Variants in LHFPL3 observed in about 807,000 individuals in gnomAD.
LHFPL3 encodes LHFPL tetraspan subfamily member 3, also known as LHFPL tetraspan subfamily member 3 protein.
Under a neutral mutation model 19.3 loss-of-function variants are expected in LHFPL3, and 5 were observed. That is an observed-to-expected ratio of 0.26 (90% confidence interval 0.14 to 0.54). The LOEUF is 0.54. Among genes scored for constraint, LHFPL3 ranks in the 20% least tolerant of loss-of-function variants. The pLI is 0.94. For missense variants in LHFPL3, 249 were observed against 307.4 expected (o/e 0.81, Z 1.42); for synonymous variants, 133 against 126.2 (o/e 1.05, Z -0.36).
intron 1 of LHFPL3, among the ~76,000 whole-genome samples, chr7:104,378,000 C>A (rs757564227): frequency 6.6e-6 from 1 of 152,014 alleles, no homozygotes; most frequent in Non-Finnish European, 1.5e-5. Flanking sequence ...TCTACCTATT[C>A]TTTTTTAAAA....
In LHFPL3 at chr7:104,828,635, T is replaced by C. The variant is rs111345369; in HGVS notation, c.683-77552T>C. Among the ~76,000 whole-genome samples the C allele has an allele frequency of 1.3e-3, 193 of 152,112 alleles. 3 individuals are homozygous for C. The highest frequency in any genetic ancestry group is 4.4e-3 in the African/African-American group (180 of 41,374). On this transcript the variant is annotated intron_variant, in intron 2 of 2. Transcript: ENST00000424859. ...TAGGAAAGCACCGCCAGGCCTCTTA[T>C]TCTTCAACCTCAGGAGTGGGGTGAA...
chr7:104,632,028 G>T (rs933653192), intron 1 of LHFPL3, among the ~76,000 whole-genome samples: 9 of 152,166 alleles, frequency 5.9e-5, no homozygotes, highest in Non-Finnish European at 7.4e-5. Context: ...TTTGGATAGG[G>T]ATGGGACAGA....
At chr7:104,490,670 C>T (rs73179959) in intron 1 of LHFPL3, among the ~76,000 whole-genome samples, 16,596 of 152,090 alleles carry the variant, frequency 0.11, 955 homozygotes, top group Non-Finnish European at 0.12. Context: ...AACTAAACCC[C>T]CATATGTTTA....
intron 2 of LHFPL3, among the ~76,000 whole-genome samples, chr7:104,752,380 A>G (rs1794191065): frequency 6.6e-6 from 1 of 150,736 alleles, no homozygotes; most frequent in Non-Finnish European, 1.5e-5. Context: ...CTGAAACGCT[A>G]TCTTCTTCTG....
chr7:104,774,977 G>T (rs1199239961), intron 2 of LHFPL3, among the ~76,000 whole-genome samples: 1 of 152,194 alleles, frequency 6.6e-6, no homozygotes, highest in Non-Finnish European at 1.5e-5. Flanking sequence ...ACAGCAAATC[G>T]CTGGCTTTTG....
intron 1 of LHFPL3, among the ~76,000 whole-genome samples, chr7:104,586,118 G>A (rs190183114): frequency 6.6e-6 from 1 of 152,132 alleles, no homozygotes; most frequent in East Asian, 1.9e-4. Context: ...ATAAATTGTG[G>A]GGAAAGTGAA....
chr7:104,682,643 C>A (rs1792727639), intron 1 of LHFPL3, among the ~76,000 whole-genome samples: 1 of 152,154 alleles, frequency 6.6e-6, no homozygotes, highest in Non-Finnish European at 1.5e-5. Context: ...TGGGACTGTG[C>A]CAGCTGGAAA....
intron 1 of LHFPL3, among the ~76,000 whole-genome samples, chr7:104,592,895 C>T (rs1253884056): frequency 1.3e-5 from 2 of 152,170 alleles, no homozygotes; most frequent in East Asian, 1.9e-4. Flanking sequence ...GCTTAGGACC[C>T]TCTGAGCCAG....
In LHFPL3 at chr7:104,560,744, T is replaced by A. The variant is rs565964831; in HGVS notation, c.446-175931T>A. 1.9e-4 allele frequency among the ~76,000 whole-genome samples: 28 copies of A among 146,432 alleles called. No homozygotes were observed. In the South Asian group the frequency reaches 4.6e-3, roughly 24 times the overall value. ...GCTAGCTTTTGAATGTGTTTGCTCT[T>A]GCTTTTCTAGTTCTTTTAATTGTGA... is the stretch of plus-strand genomic sequence containing the variant. On this transcript the variant is annotated intron_variant, in intron 1 of 2. Coordinates refer to ENST00000424859, the MANE Select transcript of LHFPL3 (RefSeq NM_199000.3).
At chr7:104,649,293 A>G (rs1791985490) in intron 1 of LHFPL3, among the ~76,000 whole-genome samples, 1 of 152,216 alleles carries the variant, frequency 6.6e-6, no homozygotes, top group Non-Finnish European at 1.5e-5. Context: ...ACAAAATAAA[A>G]CAGACCTGTC....
chr7:104,801,965 C>T (rs572940418), intron 2 of LHFPL3, among the ~76,000 whole-genome samples: 3 of 152,244 alleles, frequency 2.0e-5, no homozygotes, highest in South Asian at 4.2e-4. Flanking sequence ...AAGAAAAATG[C>T]TATTTTTTTC....
intron 2 of LHFPL3, among the ~76,000 whole-genome samples, chr7:104,868,567 A>T (rs1486976936): frequency 6.6e-6 from 1 of 152,214 alleles, no homozygotes; most frequent in Non-Finnish European, 1.5e-5. Flanking sequence ...GGCTCAATGA[A>T]ATAAAAGAGG....
intron 1 of LHFPL3, among the ~76,000 whole-genome samples, chr7:104,591,567 T>C (rs2115637501): frequency 6.6e-6 from 1 of 152,180 alleles, no homozygotes; most frequent in Non-Finnish European, 1.5e-5. Context: ...TCATTTCAAC[T>C]TTGGTGAATC....
At chr7:104,383,434 T>C (rs1270015004) in intron 1 of LHFPL3, among the ~76,000 whole-genome samples, 1 of 152,244 alleles carries the variant, frequency 6.6e-6, no homozygotes, top group African/African-American at 2.4e-5. Context: ...CCTGCCAGCG[T>C]ACTTCCTTTA....
intron 1 of LHFPL3, among the ~76,000 whole-genome samples, chr7:104,435,876 C>T (rs1792094314): frequency 6.6e-6 from 1 of 151,820 alleles, no homozygotes; most frequent in Admixed American, 6.6e-5. Context: ...TTTTGATTTT[C>T]AAGCTGCAGA....
At chr7:104,854,130 T>C (rs1473686029) in intron 2 of LHFPL3, among the ~76,000 whole-genome samples, 1 of 152,170 alleles carries the variant, frequency 6.6e-6, no homozygotes, top group Non-Finnish European at 1.5e-5. Context: ...ACATAGGAGA[T>C]ACCCAGAGAC....
chr7:104,458,249 G>A (rs902776152), intron 1 of LHFPL3, among the ~76,000 whole-genome samples: 1 of 152,060 alleles, frequency 6.6e-6, no homozygotes, highest in African/African-American at 2.4e-5. Flanking sequence ...ATGGTTTTAG[G>A]TCTAACGTTT....
At chr7:104,569,952 T>C (rs1054100144) in intron 1 of LHFPL3, among the ~76,000 whole-genome samples, 2 of 152,242 alleles carry the variant, frequency 1.3e-5, no homozygotes, top group South Asian at 2.1e-4. Flanking sequence ...AGAATAATCA[T>C]AAGCTCATGA....
intron 1 of LHFPL3, among the ~76,000 whole-genome samples, chr7:104,634,827 A>G (rs1160761535): frequency 2.0e-5 from 3 of 152,160 alleles, no homozygotes; most frequent in South Asian, 4.2e-4. Flanking sequence ...GAGAACTTCA[A>G]TCATTGGTGT....
Sources: gnomAD v4.1 joint callset for allele counts (sites outside exome capture counted in the v4.1 genomes callset) on GRCh38, gnomAD v4.1.1 for gene constraint, MANE v1.5 for transcripts, NCBI Gene and HGNC (gene_info 2026-07-23, HGNC 2026-07-21) for gene names.